The following CDIN1 variants were observed in gnomAD, a reference collection of about 807,000 sequenced individuals.
CDIN1 encodes the protein CDAN1-interacting nuclease 1.
CDIN1 carries 33 observed loss-of-function variants against 45.3 expected under a neutral mutation model. The observed-to-expected ratio is 0.73, with a 90% CI of 0.55 to 0.97. CDIN1 has a LOEUF of 0.97. Ranked by LOEUF, CDIN1 falls within the 50% of genes least tolerant of loss-of-function variation. The probability of loss-of-function intolerance (pLI) is 0.00; values close to 1 mark genes in which losing one functional copy is unlikely to be tolerated. For missense variants in CDIN1, 303 were observed against 339.4 expected (o/e 0.89, Z 0.84); for synonymous variants, 118 against 124.4 (o/e 0.95, Z 0.34).
chr15:36,675,918 T>C (rs1233064768), intron 5 of CDIN1, among the ~76,000 whole-genome samples: 1 of 152,150 alleles, frequency 6.6e-6, no homozygotes, highest in East Asian at 1.9e-4. Context: ...TCGCCTTCGT[T>C]GCATAGGTTG....
chr15:36,610,944 A>G (rs888471432), intron 1 of CDIN1, among the ~76,000 whole-genome samples: 10 of 152,202 alleles, frequency 6.6e-5, no homozygotes, highest in African/African-American at 2.2e-4. Flanking sequence ...GTGTTATAGC[A>G]TCTGTTCTCA....
intron 10 of CDIN1, among the ~76,000 whole-genome samples, chr15:36,780,546 G>C (rs1453878776): frequency 6.6e-6 from 1 of 152,078 alleles, no homozygotes; most frequent in African/African-American, 2.4e-5. Flanking sequence ...TTTTGAAAAG[G>C]AATCTTTCCC....
At chr15:36,675,540 T>C (rs1203562710) in intron 5 of CDIN1, among the ~76,000 whole-genome samples, 1 of 152,136 alleles carries the variant, frequency 6.6e-6, no homozygotes, top group South Asian at 2.1e-4. Flanking sequence ...TTTTGTAAAC[T>C]CTATCTCTCA....
intron 10 of CDIN1, among the ~76,000 whole-genome samples, chr15:36,806,308 G>A (rs773657681): frequency 2.0e-5 from 3 of 152,160 alleles, no homozygotes; most frequent in South Asian, 2.1e-4. Flanking sequence ...GTCATGCTTC[G>A]TGTCCTTTGG....
chr15:36,612,413 A>G (rs1020023876), intron 1 of CDIN1, among the ~76,000 whole-genome samples: 6 of 152,198 alleles, frequency 3.9e-5, no homozygotes, highest in Non-Finnish European at 8.8e-5. Context: ...ACATTTCTGT[A>G]CGGTATAATC....
intron 5 of CDIN1, among the ~76,000 whole-genome samples, chr15:36,669,765 T>C (rs1486274758): frequency 6.6e-6 from 1 of 152,104 alleles, no homozygotes; most frequent in Non-Finnish European, 1.5e-5. Flanking sequence ...ATGCCTTCAA[T>C]TTGGATGTGT....
chr15:36,640,472 C>G (rs74956516), intron 1 of CDIN1: 3,923 of 227,310 alleles, frequency 0.017, 36 homozygotes, highest in South Asian at 0.047. Flanking sequence ...TGCTTCTTCC[C>G]AAGCTCCAGA....
intron 1 of CDIN1, among the ~76,000 whole-genome samples, chr15:36,599,808 G>A (rs1006723281): frequency 1.3e-5 from 2 of 152,206 alleles, no homozygotes; most frequent in Admixed American, 6.5e-5. Flanking sequence ...TAACACAGAT[G>A]TTGGGGAGTC....
intron 10 of CDIN1, among the ~76,000 whole-genome samples, chr15:36,722,726 C>G (rs1283905910): frequency 6.6e-6 from 1 of 152,136 alleles, no homozygotes; most frequent in Non-Finnish European, 1.5e-5. Context: ...CCTGGTTTGC[C>G]TGTGCTCATT....
chr15:36,646,426 G>GACACAGACACATT (rs1285303750), intron 3 of CDIN1, among the ~76,000 whole-genome samples: 11 of 151,902 alleles, frequency 7.2e-5, no homozygotes, highest in African/African-American at 2.7e-4. Flanking sequence ...CACACACACA[G>GACACAGACACATT]ACACAGACAC....
intron 10 of CDIN1, among the ~76,000 whole-genome samples, chr15:36,740,802 T>A (rs1216488794): frequency 1.3e-5 from 2 of 151,342 alleles, no homozygotes; most frequent in Non-Finnish European, 2.9e-5. Flanking sequence ...GGCAGGAGAA[T>A]CGCTTGAACC....
At chr15:36,690,220 G>A in intron 5 of CDIN1, among the ~76,000 whole-genome samples, 1 of 151,992 alleles carries the variant, frequency 6.6e-6, no homozygotes, top group East Asian at 1.9e-4. Context: ...CTATTTTTAA[G>A]TGAATAAGAT....
chr15:36,758,136 A>C (rs1017535001), intron 10 of CDIN1, among the ~76,000 whole-genome samples: 5 of 152,006 alleles, frequency 3.3e-5, no homozygotes, highest in African/African-American at 9.7e-5. Context: ...CTACTGTATA[A>C]TACTACTATT....
chr15:36,721,980 A>G (rs572361846), intron 10 of CDIN1, among the ~76,000 whole-genome samples: 3 of 151,412 alleles, frequency 2.0e-5, no homozygotes, highest in African/African-American at 7.3e-5. Context: ...CAAATGGCTC[A>G]CTCTTTGTAA....
At chr15:36,691,992 C>G (rs1472198913) in intron 6 of CDIN1, 134 bp from the exon 7 acceptor site, 5 of 800,580 alleles carry the variant, frequency 6.2e-6, no homozygotes, top group Non-Finnish European at 7.1e-6. Context: ...AAATCCGAAC[C>G]GCCTTTTGAT....
At chr15:36,739,117 G>T (rs1005353135) in intron 10 of CDIN1, among the ~76,000 whole-genome samples, 1 of 152,218 alleles carries the variant, frequency 6.6e-6, no homozygotes, top group South Asian at 2.1e-4. Flanking sequence ...ACAAGGCTGG[G>T]TGCAGTGGCT....
chr15:36,800,432 A>T (rs901908080), intron 10 of CDIN1, among the ~76,000 whole-genome samples: 2 of 152,182 alleles, frequency 1.3e-5, no homozygotes, highest in African/African-American at 4.8e-5. Context: ...ATATTACATG[A>T]TCACTAATCT....
chr15:36,678,887 T>C (rs1243305852), intron 5 of CDIN1, among the ~76,000 whole-genome samples: 1 of 152,246 alleles, frequency 6.6e-6, no homozygotes, highest in Non-Finnish European at 1.5e-5. Flanking sequence ...AGCTGGCTAC[T>C]TCTCTGACCT....
intron 10 of CDIN1, among the ~76,000 whole-genome samples, chr15:36,715,214 C>A (rs1480919970): frequency 6.6e-6 from 1 of 152,144 alleles, no homozygotes; most frequent in African/African-American, 2.4e-5. Flanking sequence ...GATTTTTGAA[C>A]CTTTGGCTCC....
Sources: gnomAD v4.1 joint callset for allele counts (sites outside exome capture counted in the v4.1 genomes callset) on GRCh38, gnomAD v4.1.1 for gene constraint, MANE v1.5 for transcripts, NCBI Gene and HGNC (gene_info 2026-07-23, HGNC 2026-07-21) for gene names.